Variants in CHRDL1 observed in about 807,000 individuals in gnomAD.
The protein encoded by CHRDL1 is chordin like 1.
In CHRDL1, 19 loss-of-function variants were observed where a neutral mutation model predicts 40.9. The observed-to-expected ratio is 0.46, with a 90% CI of 0.32 to 0.68. The LOEUF is 0.68. Ranked by LOEUF, CHRDL1 falls within the 30% of genes least tolerant of loss-of-function variation. The pLI, the probability that CHRDL1 is intolerant of heterozygous loss-of-function variation, is 0.03. For missense variants in CHRDL1, 329 were observed against 352.1 expected, an observed-to-expected ratio of 0.93 and a Z score of 0.53; for synonymous variants, 136 against 123.4, an observed-to-expected ratio of 1.10 and a Z score of -0.68.
chrX:110,738,023 A>G (rs2071292342), intron 4 of CHRDL1, among the ~76,000 whole-genome samples: 1 of 112,110 alleles, frequency 8.9e-6, no homozygotes, highest in African/African-American at 3.2e-5. Context: ...CGATATGACA[A>G]AGAATTATCT....
intron 4 of CHRDL1, among the ~76,000 whole-genome samples, chrX:110,755,529 A>G (rs986342524): frequency 8.9e-6 from 1 of 111,784 alleles, no homozygotes; most frequent in African/African-American, 3.2e-5. Context: ...ATGGAAACTA[A>G]GCTCTAAGCA....
At chrX:110,681,162 A>C (rs1308078837) in intron 10 of CHRDL1, among the ~76,000 whole-genome samples, 2 of 111,475 alleles carry the variant, frequency 1.8e-5, no homozygotes, top group Admixed American at 9.5e-5. Context: ...TAGGGCCCAG[A>C]TATTTGGTAT....
chrX:110,753,863 C>T (rs2089404949), intron 4 of CHRDL1, among the ~76,000 whole-genome samples: 1 of 112,396 alleles, frequency 8.9e-6, no homozygotes. Context: ...CATGTACCCA[C>T]CTCATCTTAC....
intron 2 of CHRDL1, among the ~76,000 whole-genome samples, chrX:110,768,333 C>G (rs1408590445): frequency 1.8e-5 from 2 of 112,001 alleles, no homozygotes; most frequent in South Asian, 7.5e-4. Context: ...TTACAGAATT[C>G]TTGCTTAAAC....
rs944948442 is a variant in CHRDL1, at chrX:110,698,791, G to A, written c.609+1863C>T. The stretch of plus-strand genomic sequence containing the variant: ...GCAAGACTGCTAAGGTGGCCATAGT[G>A]CTTAGTGTGGGGGCCTCTCAGGGAA... On this transcript the variant is annotated intron_variant, in intron 7 of 11. Transcript: ENST00000372042. Among the ~76,000 whole-genome samples the A allele has an allele frequency of 2.7e-5, 3 of 112,571 alleles. No individual in the cohort carries two copies. In the Admixed American group the frequency reaches 2.8e-4, roughly 11 times the overall value.
intron 2 of CHRDL1, among the ~76,000 whole-genome samples, chrX:110,779,456 CA>C (rs2089905852): frequency 9.0e-6 from 1 of 111,438 alleles, no homozygotes; most frequent in South Asian, 3.8e-4. Flanking sequence ...CCCATTTATT[CA>C]AAAGACTATT....
intron 4 of CHRDL1, among the ~76,000 whole-genome samples, chrX:110,747,839 A>G (rs1805447272): frequency 8.9e-6 from 1 of 112,332 alleles, no homozygotes; most frequent in African/African-American, 3.2e-5. Flanking sequence ...ATGCACATCC[A>G]TAATCAATAT....
rs2069777054 is a variant in CHRDL1 at position 110,676,331 on chromosome X, GCTT to G, written c.1274_1276del (p.Glu425del). Reference sequence around the variant, plus strand: ...ACTTGAACACATCTGGCTGATCTGAGCTTCTCCTTCGGTGAAGATCTTCCACTG... The same window carrying G: ...ACTTGAACACATCTGGCTGATCTGAGCTCCTTCGGTGAAGATCTTCCACTG... On this transcript the variant is annotated inframe_deletion, in exon 12 of 12. Transcript: ENST00000372042. 1 of 1,210,072 alleles carries G rather than the reference GCTT, an allele frequency of 8.3e-7. No homozygotes were observed. Among genetic ancestry groups the G allele is most frequent in the African/African-American group, 1.7e-5 (1 of 57,752 alleles).
chrX:110,751,542 C>G (rs2089358276), intron 4 of CHRDL1, among the ~76,000 whole-genome samples: 1 of 111,739 alleles, frequency 8.9e-6, no homozygotes, highest in Non-Finnish European at 1.9e-5. Flanking sequence ...CACTAATCAT[C>G]AGAAAAATAC....
At chrX:110,739,017 A>G (rs770709087) in intron 4 of CHRDL1, among the ~76,000 whole-genome samples, 7 of 111,805 alleles carry the variant, frequency 6.3e-5, no homozygotes, top group Admixed American at 9.5e-5. Context: ...ACCTGTACCA[A>G]TGAGAATGCA....
intron 4 of CHRDL1, among the ~76,000 whole-genome samples, chrX:110,746,805 T>C (rs953554096): frequency 1.8e-5 from 2 of 111,742 alleles, no homozygotes; most frequent in Non-Finnish European, 3.8e-5. Flanking sequence ...AGGATTTAAA[T>C]ACCTTCTTTT....
chrX:110,723,682 C>T (rs1002334771), intron 4 of CHRDL1, among the ~76,000 whole-genome samples: 1 of 111,871 alleles, frequency 8.9e-6, no homozygotes, highest in African/African-American at 3.3e-5. Flanking sequence ...AAACCCAAAC[C>T]ACTAGAACAT....
intron 6 of CHRDL1, among the ~76,000 whole-genome samples, chrX:110,701,535 C>T (rs901443765): frequency 5.4e-5 from 6 of 111,794 alleles, no homozygotes; most frequent in African/African-American, 9.8e-5. Context: ...AGTAACACGC[C>T]GGGTGCAGTG....
intron 10 of CHRDL1, among the ~76,000 whole-genome samples, chrX:110,680,090 T>G (rs1180364120): frequency 8.9e-6 from 1 of 111,879 alleles, no homozygotes; most frequent in Non-Finnish European, 1.9e-5. Flanking sequence ...ACCAGCCCAC[T>G]TAAATGGGCG....
intron 5 of CHRDL1, 45 bp from the exon 6 acceptor site, chrX:110,719,973 G>T (rs1056571819): frequency 3.4e-6 from 3 of 870,663 alleles, no homozygotes; most frequent in Non-Finnish European, 5.0e-6. Flanking sequence ...TCTAGGATAA[G>T]TGTAAAGGCT....
chrX:110,778,453 T>C (rs2089887799), intron 2 of CHRDL1, among the ~76,000 whole-genome samples: 1 of 111,374 alleles, frequency 9.0e-6, no homozygotes, highest in Admixed American at 9.5e-5. Context: ...AGGACATGAA[T>C]AGACACTTTT....
chrX:110,745,346 A>C (rs190371651), intron 4 of CHRDL1, among the ~76,000 whole-genome samples: 48 of 111,405 alleles, frequency 4.3e-4, no homozygotes, highest in African/African-American at 1.5e-3. Context: ...CCTCCTCCCT[A>C]CTTTTGCAGT....
intron 8 of CHRDL1, 110 bp downstream of exon 8, chrX:110,694,053 G>C (rs2070333115): frequency 1.0e-5 from 6 of 599,496 alleles, no homozygotes; most frequent in Non-Finnish European, 1.3e-5. Context: ...AGCCACAAGT[G>C]AATATGGGCT....
chrX:110,761,311 T>G (rs1161903029), intron 3 of CHRDL1, among the ~76,000 whole-genome samples: 1 of 111,815 alleles, frequency 8.9e-6, no homozygotes, highest in Non-Finnish European at 1.9e-5. Flanking sequence ...TGATGTTACC[T>G]GATAATTATG....
Sources: allele counts gnomAD v4.1 joint callset (sites outside exome capture counted in the v4.1 genomes callset), GRCh38; gene constraint gnomAD v4.1.1; transcripts MANE v1.5; gene names NCBI Gene and HGNC (gene_info 2026-07-23, HGNC 2026-07-21).